SPRN: variants seen among roughly 807,000 people sequenced by gnomAD.
The protein encoded by SPRN is shadow of prion protein.
For synonymous variants in SPRN, 182 were observed against 123.4 expected, an observed-to-expected ratio of 1.48 and a Z score of -3.15; for missense variants, 312 against 241.4, an observed-to-expected ratio of 1.29 and a Z score of -1.94.
At position 133,422,153 on chromosome 10, in the gene SPRN, G is replaced by T. The variant is rs1850253547; in HGVS notation, c.*1073C>A. 2 of 152,686 alleles carry T rather than the reference G, an allele frequency of 1.3e-5. No homozygotes were observed. The highest frequency in any genetic ancestry group is 1.3e-4 in the Admixed American group (2 of 15,296). The allele number at this position is 152,686 out of a possible 1,614,324, so 9.5% of individuals were successfully genotyped here. ...GGGGGGCTCAGCCTCTTGCATGGGT[G>T]TCCTGCTGGGCGCTGGGCCCCGCCA... On this transcript the variant is annotated 3_prime_UTR_variant, in exon 2 of 2. Coordinates refer to ENST00000685335, the MANE Select transcript of SPRN (RefSeq NM_001391974.1).
In SPRN at chr10:133,424,458, GC is replaced by G. The variant is rs1341608270; in HGVS notation, c.-17+14del. 3 of 111,864 alleles carry G rather than the reference GC, an allele frequency of 2.7e-5. No homozygotes were observed. Among genetic ancestry groups the G allele is most frequent in the Non-Finnish European group, 5.2e-5 (3 of 57,414 alleles). The allele number at this position is 111,864 out of a possible 1,614,324, so 6.9% of individuals were successfully genotyped here. ...CGCTCCCGGCCCCGTACCCGCCCCA[GC>G]CTCCCGGCCTTACCCGCCACGGGCC... On this transcript the variant is annotated intron_variant, in intron 1 of 1. Transcript: ENST00000685335.
Position 133,423,357 on chromosome 10 carries a change from CG to C in SPRN, c.324del (p.Gly109GlufsTer108). ...RGLEDEEDGV[P>X]GGNGTGPGIY... ...ATGCCGGGGCCTGTCCCGTTGCCTC[CG>C]GGCACCCCGTCCTCCTCGTCCTCCA... On this transcript the variant is annotated frameshift_variant, in exon 2 of 2. Transcript: ENST00000685335. LOFTEE classifies it low-confidence loss of function (END_TRUNC). 2 of 1,514,712 alleles carry C rather than the reference CG, an allele frequency of 1.3e-6. No homozygotes were observed. 93.8% of individuals were successfully genotyped at this position (1,514,712 alleles called of 1,614,324 possible). A position where few individuals can be genotyped will look rare whatever the true frequency, so the allele number is the denominator to read the frequency against.
Position 133,423,211 on chromosome 10 carries a change from C to G in SPRN, c.*15G>C. 7.1e-7 allele frequency: 1 copy of G among 1,406,420 alleles called. No homozygotes were observed. Among genetic ancestry groups the G allele is most frequent in the Non-Finnish European group, 9.3e-7 (1 of 1,079,338 alleles). The allele number at this position is 1,406,420 out of a possible 1,614,324, so 87.1% of individuals were successfully genotyped here. ...CGGGCCGGGGGCCAGATGTGGTCCC[C>G]GAGCCCAGCCAGGCCTAGGGCCGCA... On this transcript the variant is annotated 3_prime_UTR_variant, in exon 2 of 2. Transcript: ENST00000685335.
rs1850251370 is a variant in SPRN, at chr10:133,422,081, T to A, written c.*1145A>T. On this transcript the variant is annotated 3_prime_UTR_variant, in exon 2 of 2. Transcript: ENST00000685335. ...GTCCAGTGCTGGAGGCAAGTCCTTG[T>A]CGTGACTGTCCAGCGCCACTCCATG... 1 of 152,846 alleles carries A rather than the reference T, an allele frequency of 6.5e-6. No individual in the cohort carries two copies. Among genetic ancestry groups the A allele is most frequent in the South Asian group, 2.1e-4 (1 of 4,836 alleles). 9.5% of individuals were successfully genotyped at this position (152,846 alleles called of 1,614,324 possible).
At position 133,423,295 on chromosome 10, in the gene SPRN, G is replaced by A. The variant is rs1262273254; in HGVS notation, c.387C>T (p.Pro129=). ...SYRAWTSGAG[P]TRGPRLCLVL... ...CGAGACAGAGACGCGGGCCGCGCGT[G>A]GGTCCAGCGCCCGAAGTCCACGCCC... The change falls in exon 2 of 2, where the codon CCC becomes CCT. Residue 129 remains proline (P), a synonymous_variant. Coordinates refer to ENST00000685335, the MANE Select transcript of SPRN (RefSeq NM_001391974.1). The A allele has an allele frequency of 1.3e-6, 2 of 1,520,160 alleles. No individual in the cohort carries two copies. The highest frequency in any genetic ancestry group is 1.8e-6 in the Non-Finnish European group (2 of 1,139,370). The allele number at this position is 1,520,160 out of a possible 1,614,324, so 94.2% of individuals were successfully genotyped here. A position where few individuals can be genotyped will look rare whatever the true frequency, so the allele number is the denominator to read the frequency against.
At position 133,423,583 on chromosome 10, in the gene SPRN, G is replaced by A; in HGVS notation, c.99C>T (p.Gly33=). ...CCCCGCGGACCCCTCCCCGGGCACT[G>A]CCCCGCGCACCTCCGCGGCCGCCCT... The part of the protein sequence containing the change: ...AAKGGRGGAR[G]SARGGVRGGA... The change falls in exon 2 of 2, where the codon GGC becomes GGT. Residue 33 remains glycine, a synonymous_variant. Transcript: ENST00000685335. 6.8e-7 allele frequency: 1 copy of A among 1,478,240 alleles called. No individual in the cohort carries two copies. The highest frequency in any genetic ancestry group is 9.0e-7 in the Non-Finnish European group (1 of 1,113,698). The allele number at this position is 1,478,240 out of a possible 1,614,324, so 91.6% of individuals were successfully genotyped here.
rs35167231 is a variant in SPRN at position 133,422,913 on chromosome 10, TC to T, written c.*312del. ...GGCTTGGGTTCCTGGCCTTGGCACC[TC>T]CCTTTGGGCGGCGATGGAGCGTGGC... On this transcript the variant is annotated 3_prime_UTR_variant, in exon 2 of 2. Coordinates refer to ENST00000685335, the MANE Select transcript of SPRN (RefSeq NM_001391974.1). 61,966 of 268,906 alleles carry T rather than the reference TC, an allele frequency of 0.23. 7,651 individuals are homozygous for T. Among genetic ancestry groups the T allele is most frequent in the East Asian group, 0.38 (6,310 of 16,614 alleles). The allele number at this position is 268,906 out of a possible 1,614,324, so 16.7% of individuals were successfully genotyped here. A position where few individuals can be genotyped will look rare whatever the true frequency, so the allele number is the denominator to read the frequency against.
intron 1 of SPRN, among the ~76,000 whole-genome samples, 152 bp from the exon 2 acceptor site, chr10:133,423,849 G>A (rs1201494239): frequency 2.0e-5 from 3 of 151,918 alleles, no homozygotes; most frequent in African/African-American, 4.8e-5. Context: ...CTGGGGGGGC[G>A]CGGTTTAACC....
rs1850281830 is a variant in SPRN, at chr10:133,423,035, A to AG, written c.*190dup. On this transcript the variant is annotated 3_prime_UTR_variant, in exon 2 of 2. Coordinates refer to ENST00000685335, the MANE Select transcript of SPRN (RefSeq NM_001391974.1). ...TGGGGCAGGGCCCATGGTCTCCTCTAGGTGGGAGGTGGCAGGCTGAGGCGG... is the reference window on the plus strand; with the variant it reads ...TGGGGCAGGGCCCATGGTCTCCTCTAGGGTGGGAGGTGGCAGGCTGAGGCGG... 3.4e-6 allele frequency: 2 copies of AG among 581,450 alleles called. No individual in the cohort carries two copies. The highest frequency in any genetic ancestry group is 6.6e-5 in the East Asian group (2 of 30,446). The allele number at this position is 581,450 out of a possible 1,614,324, so 36.0% of individuals were successfully genotyped here.
rs752381231 is a variant in SPRN, at chr10:133,423,578, G to A, written c.104C>T (p.Ala35Val). Reference sequence around the variant, plus strand: ...CGCACCCCCGCGGACCCCTCCCCGGGCACTGCCCCGCGCACCTCCGCGGCC... The same window carrying A: ...CGCACCCCCGCGGACCCCTCCCCGGACACTGCCCCGCGCACCTCCGCGGCC... ...KGGRGGARGS[A>V]RGGVRGGARG... is the part of the protein sequence containing the mutation. Residue 35 changes from alanine to valine, a missense_variant, in exon 2 of 2, where the codon GCC becomes GTC. Transcript: ENST00000685335. 2.1e-6 allele frequency: 3 copies of A among 1,424,256 alleles called. No individual in the cohort carries two copies. The highest frequency in any genetic ancestry group is 2.9e-5 in the East Asian group (1 of 34,170). 88.2% of individuals were successfully genotyped at this position (1,424,256 alleles called of 1,614,324 possible).
intron 1 of SPRN, among the ~76,000 whole-genome samples, chr10:133,423,977 TTCA>T (rs1850312132): frequency 5.9e-3 from 17 of 2,866 alleles, no homozygotes; most frequent in Non-Finnish European, 0.023. Context: ...GGCAGGAGCG[TTCA>T]GGCCTCTGGG....
At chr10:133,423,914 A>C in intron 1 of SPRN, among the ~76,000 whole-genome samples, 1 of 150,002 alleles carries the variant, frequency 6.7e-6, no homozygotes, top group Non-Finnish European at 1.5e-5. Context: ...CAGGTGGGGC[A>C]GGAGGGTTCT....
chr10:133,422,928 A>C lies in SPRN; in HGVS notation c.*298T>G. The C allele has an allele frequency of 3.3e-6, 1 of 301,786 alleles. No homozygotes were observed. Among genetic ancestry groups the C allele is most frequent in the Non-Finnish European group, 6.1e-6 (1 of 163,694 alleles). The allele number at this position is 301,786 out of a possible 1,614,324, so 18.7% of individuals were successfully genotyped here. A position where few individuals can be genotyped will look rare whatever the true frequency, so the allele number is the denominator to read the frequency against. ...CCTTGGCACCTCCCTTTGGGCGGCG[A>C]TGGAGCGTGGCTGGGCGGTTGGTAC... On this transcript the variant is annotated 3_prime_UTR_variant, in exon 2 of 2. Transcript: ENST00000685335.
Position 133,423,560 on chromosome 10 carries a change from C to T in SPRN, c.122G>A (p.Gly41Glu), listed in dbSNP as rs753399719. 1 of 1,308,364 alleles carries T rather than the reference C, an allele frequency of 7.6e-7. No homozygotes were observed. The highest frequency in any genetic ancestry group is 9.7e-7 in the Non-Finnish European group (1 of 1,029,510). The allele number at this position is 1,308,364 out of a possible 1,614,324, so 81.0% of individuals were successfully genotyped here. Residue 41 changes from glycine to glutamate, a missense_variant, in exon 2 of 2, where the codon GGG becomes GAG. Physicochemically the swap from Gly to Glu is moderately conservative, Grantham distance 98. Transcript: ENST00000685335. ...CACCCTCGAGGCCCCGCGCGCACCC[C>T]CGCGGACCCCTCCCCGGGCACTGCC... Reference protein sequence around the residue: ...ARGSARGGVRGGARGASRVRV... With the variant: ...ARGSARGGVREGARGASRVRV...
intron 1 of SPRN, 33 bp from the exon 2 acceptor site, chr10:133,423,730 C>A (rs772609119): frequency 2.1e-5 from 30 of 1,431,150 alleles, no homozygotes; most frequent in Non-Finnish European, 2.7e-5. Flanking sequence ...CCCTTAGTTT[C>A]CATGGAGATC....
Position 133,423,419 on chromosome 10 carries a change from C to G in SPRN, c.263G>C (p.Gly88Ala). The G allele has an allele frequency of 1.4e-6, 2 of 1,380,662 alleles. No homozygotes were observed. The highest frequency in any genetic ancestry group is 1.9e-6 in the Non-Finnish European group (2 of 1,064,530). 85.5% of individuals were successfully genotyped at this position (1,380,662 alleles called of 1,614,324 possible). A position where few individuals can be genotyped will look rare whatever the true frequency, so the allele number is the denominator to read the frequency against. The part of the protein sequence containing the change: ...GAAAGLAAGS[G>A]WRRAAGPGER... Reference sequence around the variant, plus strand: ...CCCGGGTCCCGCGGCCCTTCTCCAGCCCGAGCCCGCCGCCAGGCCCGCGGC... The same window carrying G: ...CCCGGGTCCCGCGGCCCTTCTCCAGGCCGAGCCCGCCGCCAGGCCCGCGGC... Residue 88 changes from glycine to alanine, a missense_variant, in exon 2 of 2, where the codon GGC becomes GCC. Coordinates refer to ENST00000685335, the MANE Select transcript of SPRN (RefSeq NM_001391974.1).
At position 133,423,336 on chromosome 10, in the gene SPRN, C is replaced by T. The variant is rs964766780; in HGVS notation, c.346G>A (p.Gly116Ser). 7.9e-6 allele frequency: 12 copies of T among 1,521,824 alleles called. No individual in the cohort carries two copies. The highest frequency in any genetic ancestry group is 4.3e-5 in the African/African-American group (3 of 70,370). The allele number at this position is 1,521,824 out of a possible 1,614,324, so 94.3% of individuals were successfully genotyped here. The change falls in exon 2 of 2, where the codon GGC becomes AGC. Residue 116 changes from glycine (G) to serine (S), a missense_variant. By Grantham distance (56) the Gly-to-Ser change is moderately conservative. Transcript: ENST00000685335. ...GVPGGNGTGP[G>S]IYSYRAWTSG... ...GTCCACGCCCGGTAGCTGTAGATGC[C>T]GGGGCCTGTCCCGTTGCCTCCGGGC...
rs1378704088 is a variant in SPRN at position 133,423,123 on chromosome 10, G to A, written c.*103C>T. 7 of 1,182,076 alleles carry A rather than the reference G, an allele frequency of 5.9e-6. No individual in the cohort carries two copies. Among genetic ancestry groups the A allele is most frequent in the Non-Finnish European group, 7.9e-6 (7 of 881,744 alleles). The allele number at this position is 1,182,076 out of a possible 1,614,324, so 73.2% of individuals were successfully genotyped here. A position where few individuals can be genotyped will look rare whatever the true frequency, so the allele number is the denominator to read the frequency against. Reference sequence around the variant, plus strand: ...GCCAGCAGCTCCTGCACCCAGTGGGGCTCCAAGACCGTGGGCAAGGGAGGA... The same window carrying A: ...GCCAGCAGCTCCTGCACCCAGTGGGACTCCAAGACCGTGGGCAAGGGAGGA... On this transcript the variant is annotated 3_prime_UTR_variant, in exon 2 of 2. Transcript: ENST00000685335.
At position 133,423,430 on chromosome 10, in the gene SPRN, CGCCAGGCCCGCG is replaced by C. The variant is rs1298574238; in HGVS notation, c.240_251del (p.Leu83_Gly86del). ...CGGCCCTTCTCCAGCCCGAGCCCGC[CGCCAGGCCCGCG>C]GCCGCTCCCGCCGCCGCCCCGGCTG... On this transcript the variant is annotated inframe_deletion, in exon 2 of 2. Coordinates refer to ENST00000685335, the MANE Select transcript of SPRN (RefSeq NM_001391974.1). 2 of 1,327,306 alleles carry C rather than the reference CGCCAGGCCCGCG, an allele frequency of 1.5e-6. No individual in the cohort carries two copies. Among genetic ancestry groups the C allele is most frequent in the Non-Finnish European group, 1.9e-6 (2 of 1,039,568 alleles). 82.2% of individuals were successfully genotyped at this position (1,327,306 alleles called of 1,614,324 possible).
Sources: allele counts gnomAD v4.1 joint callset (sites outside exome capture counted in the v4.1 genomes callset), GRCh38; gene constraint gnomAD v4.1.1; transcripts MANE v1.5; gene names NCBI Gene and HGNC (gene_info 2026-07-23, HGNC 2026-07-21).